Variants in FNBP4 observed in about 807,000 individuals in gnomAD.
The protein encoded by FNBP4 is formin binding protein 4.
In FNBP4, 34 loss-of-function variants were observed where a neutral mutation model predicts 119.3. The observed-to-expected ratio is 0.28, with a 90% CI of 0.22 to 0.38. The LOEUF is 0.38. Ranked by LOEUF, FNBP4 falls within the 10% of genes least tolerant of loss-of-function variation. The pLI, the probability that FNBP4 is intolerant of heterozygous loss-of-function variation, is 1.00. For synonymous variants in FNBP4, 462 were observed against 430.6 expected (o/e 1.07, Z -0.90); for missense variants, 1,112 against 1,228.9 (o/e 0.90, Z 1.42).
Position 47,757,919 on chromosome 11 carries a change from C to A in FNBP4, c.314-3255G>T, listed in dbSNP as rs2097623336. On this transcript the variant is annotated intron_variant, in intron 2 of 16. Coordinates refer to ENST00000263773, the MANE Select transcript of FNBP4 (RefSeq NM_015308.5). ...CAAACTCCTGGCCTCAAATGATTCT[C>A]TTGCCTCAGCATCCTGAGTGGATGA... Among the ~76,000 whole-genome samples, 6 of 152,328 alleles carry A rather than the reference C, an allele frequency of 3.9e-5. No individual in the cohort carries two copies. In the South Asian group the frequency reaches 1.2e-3, roughly 32 times the overall value.
Position 47,734,014 on chromosome 11 carries a change from AAAAG to A in FNBP4, c.1686+7_1686+10del. On this transcript the variant is annotated splice_region_variant and intron_variant, in intron 10 of 16. Coordinates refer to ENST00000263773, the MANE Select transcript of FNBP4 (RefSeq NM_015308.5). The stretch of plus-strand genomic sequence containing the variant: ...ACTGTTTATGCCAAAAAAAAAAAAA[AAAAG>A]ACTTACCTCAGTCTGTAAGAGCAGC... 6.9e-7 allele frequency: 1 copy of A among 1,441,344 alleles called. No individual in the cohort carries two copies. The highest frequency in any genetic ancestry group is 9.3e-7 in the Non-Finnish European group (1 of 1,072,906). 89.3% of individuals were successfully genotyped at this position (1,441,344 alleles called of 1,614,324 possible). A position where few individuals can be genotyped will look rare whatever the true frequency, so the allele number is the denominator to read the frequency against.
intron 2 of FNBP4, among the ~76,000 whole-genome samples, chr11:47,758,480 G>A (rs1267862793): frequency 6.6e-6 from 1 of 152,082 alleles, no homozygotes; most frequent in African/African-American, 2.4e-5. Context: ...GACATTACAG[G>A]TGTGAGCCAC....
chr11:47,753,137 A>C, intron 3 of FNBP4, 35 bp from the exon 4 acceptor site: 3 of 1,531,946 alleles, frequency 2.0e-6, no homozygotes, highest in Non-Finnish European at 2.6e-6. Flanking sequence ...TGCAGTAATT[A>C]TATCAAAAAC....
Position 47,767,217 on chromosome 11 carries a change from G to A in FNBP4, c.72C>T (p.Gly24=), listed in dbSNP as rs1328643635. Reference sequence around the variant, plus strand: ...GCTCCGGGTCCCGGCCCGGCGTGCTGCCCCGAGGACCCGGCGGAGAGAGTT... The same window carrying A: ...GCTCCGGGTCCCGGCCCGGCGTGCTACCCCGAGGACCCGGCGGAGAGAGTT... ...ILQLSPPGPR[G]STPGRDPEPE... is the part of the protein sequence containing the mutation. Residue 24 remains glycine, a synonymous_variant, in exon 1 of 17, where the codon GGC becomes GGT. Coordinates refer to ENST00000263773, the MANE Select transcript of FNBP4 (RefSeq NM_015308.5). The A allele has an allele frequency of 1.3e-6, 2 of 1,568,912 alleles. No homozygotes were observed. Among genetic ancestry groups the A allele is most frequent in the South Asian group, 1.2e-5 (1 of 85,626 alleles).
chr11:47,742,963 G>GT (rs556842277), intron 8 of FNBP4, among the ~76,000 whole-genome samples: 470 of 147,642 alleles, frequency 3.2e-3, no homozygotes, highest in Middle Eastern at 0.014. Flanking sequence ...CTGTATTGTT[G>GT]TTTTTTTTTT....
intron 12 of FNBP4, chr11:47,729,638 C>T: frequency 1.0e-6 from 1 of 956,068 alleles, no homozygotes; most frequent in Non-Finnish European, 1.2e-6. Flanking sequence ...ACCTCCCAAA[C>T]AGCTCGGACT....
chr11:47,756,624 C>T (rs1225710202), intron 2 of FNBP4, among the ~76,000 whole-genome samples: 2 of 152,036 alleles, frequency 1.3e-5, no homozygotes, highest in Non-Finnish European at 2.9e-5. Flanking sequence ...TATACATGTA[C>T]TATGTTGGTG....
intron 2 of FNBP4, among the ~76,000 whole-genome samples, chr11:47,754,954 C>T (rs578242298): frequency 2.0e-5 from 3 of 151,702 alleles, no homozygotes; most frequent in Admixed American, 2.0e-4. Flanking sequence ...CCAGCCTGGG[C>T]AACATGGTGA....
intron 12 of FNBP4, among the ~76,000 whole-genome samples, chr11:47,728,552 T>C (rs1222594434): frequency 6.6e-6 from 1 of 152,134 alleles, no homozygotes; most frequent in African/African-American, 2.4e-5. Flanking sequence ...CTTTTTCTTT[T>C]TGAGACAGGA....
At chr11:47,722,024 A>C (rs2097556208) in intron 15 of FNBP4, among the ~76,000 whole-genome samples, 3 of 3,644 alleles carry the variant, frequency 8.2e-4, no homozygotes, top group South Asian at 0.015. Flanking sequence ...AAAAAAAAAA[A>C]AAAAAAAAAA....
chr11:47,724,927 G>C, intron 12 of FNBP4, 149 bp from the exon 13 acceptor site: 2 of 1,203,620 alleles, frequency 1.7e-6, no homozygotes, highest in Non-Finnish European at 2.2e-6. Context: ...TCAAACAGCA[G>C]GGAATGGCTC....
Position 47,724,464 on chromosome 11 carries a change from T to C in FNBP4, c.2319+4A>G. 2 of 1,614,232 alleles carry C rather than the reference T, an allele frequency of 1.2e-6. No individual in the cohort carries two copies. The highest frequency in any genetic ancestry group is 8.5e-7 in the Non-Finnish European group (1 of 1,180,014). On this transcript the variant is annotated splice_donor_region_variant and intron_variant, in intron 13 of 16. Coordinates refer to ENST00000263773, the MANE Select transcript of FNBP4 (RefSeq NM_015308.5). ...CACTCAGAATGCCAAAGGGAATTAC[T>C]TACCTGGCTAGTTACAACTGTGGTT...
In FNBP4 at chr11:47,738,847, A is replaced by ATTTTTTTTTTTTTTTTTT. The variant is rs71045510; in HGVS notation, c.1457-2125_1457-2108dup. On this transcript the variant is annotated intron_variant, in intron 8 of 16. Transcript: ENST00000263773. ...AGGTGTTTGCCACCATGCCCAGGTA[A>ATTTTTTTTTTTTTTTTTT]TTTTTTTTTTTTTTTTTTTTTTTTT... Among the ~76,000 whole-genome samples, 24 of 110,976 alleles carry ATTTTTTTTTTTTTTTTTT rather than the reference A, an allele frequency of 2.2e-4. 4 individuals are homozygous for ATTTTTTTTTTTTTTTTTT. The highest frequency in any genetic ancestry group is 3.4e-4 in the Non-Finnish European group (18 of 52,488). The allele number at this position is 110,976 out of a possible 152,430, so 72.8% of individuals were successfully genotyped here.
rs2097559210 is a variant in FNBP4, at chr11:47,724,737, A to G, written c.2050T>C (p.Ser684Pro). ...AATGGAGTAAGTGGCATGAGTGATG[A>G]AGAAGAAACTTGACCAGAAAAGGAT... ...KESFSGQVSSSSLMPLTPFWT... is the reference protein window; with the variant it reads ...KESFSGQVSSPSLMPLTPFWT... The change falls in exon 13 of 17, where the codon TCA becomes CCA. Residue 684 changes from serine to proline, a missense_variant. Physicochemically the swap from Ser to Pro is moderately conservative, Grantham distance 74. Coordinates refer to ENST00000263773, the MANE Select transcript of FNBP4 (RefSeq NM_015308.5). 1.3e-6 allele frequency: 2 copies of G among 1,591,840 alleles called. No individual in the cohort carries two copies. Among genetic ancestry groups the G allele is most frequent in the African/African-American group, 2.7e-5 (2 of 74,202 alleles).
At chr11:47,765,394 GAAAAGAA>G (rs764859932) in intron 1 of FNBP4, 32 bp from the exon 2 acceptor site, 2 of 1,339,440 alleles carry the variant, frequency 1.5e-6, no homozygotes, top group Non-Finnish European at 2.1e-6. Context: ...GAAAAGAAAA[GAAAAGAA>G]AAGAAAAGAA....
chr11:47,759,251 G>T, intron 2 of FNBP4, among the ~76,000 whole-genome samples: 1 of 138,932 alleles, frequency 7.2e-6, no homozygotes. Context: ...CGCTCTTCTT[G>T]CCCAGGCTGG....
intron 2 of FNBP4, among the ~76,000 whole-genome samples, chr11:47,761,639 T>C (rs370284279): frequency 1.3e-5 from 2 of 151,530 alleles, no homozygotes; most frequent in South Asian, 2.1e-4. Context: ...ATCAACAGGA[T>C]GGTCACGGTG....
chr11:47,763,743 A>G (rs1236818773), intron 2 of FNBP4, among the ~76,000 whole-genome samples: 1 of 151,854 alleles, frequency 6.6e-6, no homozygotes, highest in East Asian at 1.9e-4. Context: ...GTCATTATCC[A>G]CCTGCCTCGG....
At chr11:47,748,386 TTTAAG>T (rs1263386000) in intron 6 of FNBP4, among the ~76,000 whole-genome samples, 4 of 151,894 alleles carry the variant, frequency 2.6e-5, no homozygotes, top group African/African-American at 7.2e-5. Context: ...TAACTGTAAA[TTTAAG>T]TTATTATTAT....
Sources: gnomAD v4.1 joint callset for allele counts (sites outside exome capture counted in the v4.1 genomes callset) on GRCh38, gnomAD v4.1.1 for gene constraint, MANE v1.5 for transcripts, NCBI Gene and HGNC (gene_info 2026-07-23, HGNC 2026-07-21) for gene names.